The following CAPZB variants were observed in gnomAD, a reference collection of about 807,000 sequenced individuals.
CAPZB encodes capping actin protein of muscle Z-line subunit beta.
A neutral mutation model predicts 38.1 loss-of-function variants in CAPZB; 2 were observed. The observed-to-expected ratio is 0.05, with a 90% CI of 0.02 to 0.17. The LOEUF is 0.17. Among genes scored for constraint, CAPZB ranks in the 10% least tolerant of loss-of-function variants. The probability of loss-of-function intolerance (pLI) is 1.00; values close to 1 mark genes in which losing one functional copy is unlikely to be tolerated. For missense variants in CAPZB, 161 were observed against 334.2 expected (o/e 0.48, Z 4.04); for synonymous variants, 107 against 127.4 (o/e 0.84, Z 1.08).
At chr1:19,439,928 T>C (rs940401838) in intron 1 of CAPZB, among the ~76,000 whole-genome samples, 3 of 152,186 alleles carry the variant, frequency 2.0e-5, no homozygotes, top group Non-Finnish European at 4.4e-5. Context: ...GGCCCTAACA[T>C]CCAGAACCTC....
At chr1:19,484,950 G>A (rs2094645684) in intron 1 of CAPZB, among the ~76,000 whole-genome samples, 1 of 152,194 alleles carries the variant, frequency 6.6e-6, no homozygotes, top group African/African-American at 2.4e-5. Context: ...TCCAGCCTGA[G>A]GCCATGGAGA....
At chr1:19,351,906 C>A (rs2093993697) in intron 6 of CAPZB, among the ~76,000 whole-genome samples, 1 of 152,286 alleles carries the variant, frequency 6.6e-6, no homozygotes, top group South Asian at 2.1e-4. Flanking sequence ...TTGTGGGGAG[C>A]CTGTCTCAGG....
intron 8 of CAPZB, chr1:19,342,899 G>A (rs753972187): frequency 9.3e-5 from 120 of 1,291,560 alleles, no homozygotes; most frequent in Non-Finnish European, 1.2e-4. Flanking sequence ...GGAGTGGGAG[G>A]GAAGAGAACG....
At chr1:19,455,373 TA>T (rs2100715537) in intron 1 of CAPZB, among the ~76,000 whole-genome samples, 1 of 152,290 alleles carries the variant, frequency 6.6e-6, no homozygotes, top group African/African-American at 2.4e-5. Flanking sequence ...AAAATAAAAT[TA>T]AACTTTACTT....
intron 1 of CAPZB, among the ~76,000 whole-genome samples, chr1:19,476,153 G>GTCTC (rs1177936002): frequency 6.6e-6 from 1 of 151,210 alleles, no homozygotes; most frequent in Admixed American, 6.6e-5. Context: ...GTAAGACTCT[G>GTCTC]TCTCTAAAAA....
intron 8 of CAPZB, chr1:19,342,909 G>A (rs761679029): frequency 2.4e-5 from 29 of 1,208,352 alleles, no homozygotes; most frequent in East Asian, 1.9e-4. Flanking sequence ...GGAAGAGAAC[G>A]ACGAGAAGCC....
chr1:19,432,042 C>CAAAAAAA (rs10583269), intron 1 of CAPZB, among the ~76,000 whole-genome samples: 4 of 122,562 alleles, frequency 3.3e-5, no homozygotes, highest in South Asian at 2.9e-4. Context: ...GATCCTGTCT[C>CAAAAAAA]AAAAAAAAAA....
intron 2 of CAPZB, among the ~76,000 whole-genome samples, chr1:19,386,061 C>A (rs1436553733): frequency 6.6e-6 from 1 of 152,246 alleles, no homozygotes; most frequent in Non-Finnish European, 1.5e-5. Flanking sequence ...CTCCCACAGG[C>A]TCCTATGCTG....
In CAPZB at chr1:19,399,354, C is replaced by T. The variant is rs1240933168; in HGVS notation, c.94-13728G>A. On this transcript the variant is annotated intron_variant, in intron 2 of 8. Transcript: ENST00000264202. ...CCAGGAAACCAACAGTTTCAGAATA[C>T]GAGTACGTCATGTGACCCAGAGTTA... Among the ~76,000 whole-genome samples, 3 of 152,214 alleles carry T rather than the reference C, an allele frequency of 2.0e-5. No homozygotes were observed. In the East Asian group the frequency reaches 5.8e-4, roughly 29 times the overall value.
In CAPZB at chr1:19,357,461, G is replaced by T. The variant is rs779909756; in HGVS notation, c.432C>A (p.Ile144=). 3 of 1,613,980 alleles carry T rather than the reference G, an allele frequency of 1.9e-6. No homozygotes were observed. In the Admixed American group the frequency reaches 5.0e-5, roughly 27 times the overall value. ...CGTGGATGGAATCCCAGCAGCCTTTGATCTTCTTTGATCCATCTCCAGCCT... is the reference window on the plus strand; with the variant it reads ...CGTGGATGGAATCCCAGCAGCCTTTTATCTTCTTTGATCCATCTCCAGCCT... The part of the protein sequence containing the change: ...IKKAGDGSKK[I]KGCWDSIHVV... Residue 144 remains isoleucine, a synonymous_variant, in exon 5 of 9, where the codon ATC becomes ATA. Transcript: ENST00000264202. The surrounding 1 kb of genome is among the most constrained non-coding windows in gnomAD (Gnocchi z 4.3).
rs866103296 is a variant in CAPZB at position 19,349,680 on chromosome 1, A to G, written c.589-4428T>C. Among the ~76,000 whole-genome samples, 24 of 152,308 alleles carry G rather than the reference A, an allele frequency of 1.6e-4. No individual in the cohort carries two copies. In the Middle Eastern group the frequency reaches 0.01, roughly 65 times the overall value. ...AGAGGGCTGGGTCTTGCAGTGTGCG[A>G]CACTGTCCCCAGGAGCAGACTGATC... On this transcript the variant is annotated intron_variant, in intron 6 of 8. Transcript: ENST00000264202.
intron 1 of CAPZB, among the ~76,000 whole-genome samples, chr1:19,476,171 GATA>G (rs1408020743): frequency 0.082 from 179 of 2,184 alleles, no homozygotes; most frequent in African/African-American, 0.18. Flanking sequence ...AAAATAAGTA[GATA>G]GATAGATAGA....
intron 1 of CAPZB, among the ~76,000 whole-genome samples, chr1:19,446,375 G>A (rs1396772692): frequency 6.6e-6 from 1 of 152,206 alleles, no homozygotes; most frequent in Non-Finnish European, 1.5e-5. Flanking sequence ...TGAGTAATAT[G>A]ACAGTGAGCC....
chr1:19,364,688 G>A (rs2094073252), intron 4 of CAPZB, among the ~76,000 whole-genome samples: 1 of 152,140 alleles, frequency 6.6e-6, no homozygotes, highest in Non-Finnish European at 1.5e-5. Flanking sequence ...CCAACTAAGT[G>A]TTAACCAATG....
intron 2 of CAPZB, among the ~76,000 whole-genome samples, chr1:19,412,261 C>G (rs2094360385): frequency 6.6e-6 from 1 of 152,144 alleles, no homozygotes; most frequent in Admixed American, 6.5e-5. Context: ...TTCCGCGGCT[C>G]CTGCTCCAGA....
chr1:19,472,994 G>C (rs1177724343), intron 1 of CAPZB, among the ~76,000 whole-genome samples: 1 of 152,122 alleles, frequency 6.6e-6, no homozygotes, highest in Non-Finnish European at 1.5e-5. Context: ...TGGGATTACA[G>C]GTGTGAGCCA....
At chr1:19,407,986 C>T (rs893396163) in intron 2 of CAPZB, among the ~76,000 whole-genome samples, 7 of 152,158 alleles carry the variant, frequency 4.6e-5, no homozygotes, top group African/African-American at 7.2e-5. Context: ...GGTGGGGGGC[C>T]GTGGCATTTT....
intron 2 of CAPZB, among the ~76,000 whole-genome samples, chr1:19,412,389 A>AT (rs1334856277): frequency 1.3e-5 from 2 of 152,236 alleles, no homozygotes; most frequent in East Asian, 1.9e-4. Context: ...TGGAAAAAGC[A>AT]TTTTTTTAAT....
chr1:19,460,339 C>T (rs765929737), intron 1 of CAPZB, among the ~76,000 whole-genome samples: 4 of 152,192 alleles, frequency 2.6e-5, no homozygotes, highest in Admixed American at 6.5e-5. Context: ...CACTGTGGCG[C>T]GATCTCAGCT....
Sources: gnomAD v4.1 joint callset for allele counts (sites outside exome capture counted in the v4.1 genomes callset) on GRCh38, gnomAD v4.1.1 for gene constraint, Gnocchi (gnomAD v3.1) non-coding constraint, MANE v1.5 for transcripts, NCBI Gene and HGNC (gene_info 2026-07-23, HGNC 2026-07-21) for gene names.